Variants in PTPRS observed in about 807,000 individuals in gnomAD.
PTPRS encodes protein tyrosine phosphatase receptor type S.
Under a neutral mutation model 215.3 loss-of-function variants are expected in PTPRS, and 63 were observed. The observed-to-expected ratio is 0.29, with a 90% CI of 0.24 to 0.36. PTPRS has a LOEUF of 0.36. Among genes scored for constraint, PTPRS ranks in the 10% least tolerant of loss-of-function variants. The probability of loss-of-function intolerance (pLI) is 1.00; values close to 1 mark genes in which losing one functional copy is unlikely to be tolerated. For missense variants in PTPRS, 2,258 were observed against 2,825.8 expected (o/e 0.80, Z 4.56); for synonymous variants, 1,404 against 1,191.4 (o/e 1.18, Z -3.68).
At chr19:5,324,144 G>A (rs923686872) in intron 1 of PTPRS, among the ~76,000 whole-genome samples, 19 of 145,006 alleles carry the variant, frequency 1.3e-4, no homozygotes, top group African/African-American at 3.7e-4. Flanking sequence ...CAGGAGAATC[G>A]CTTGAACCTG....
At position 5,210,342 on chromosome 19, in the gene PTPRS, C is replaced by A. The variant is rs966344688; in HGVS notation, c.5487+127G>T. ...TAGAAGCAAGTGGCCAACTGGTCAG[C>A]TGACACTTCTCCTGATTCCCAATGC... On this transcript the variant is annotated intron_variant, in intron 35 of 37. Coordinates refer to ENST00000262963, the MANE Select transcript of PTPRS (RefSeq NM_002850.4). This position sits in a 1 kb window ranked among gnomAD's most constrained non-coding sequence, Gnocchi z 4.5. The A allele has an allele frequency of 1.3e-4, 181 of 1,397,540 alleles. 1 individual carries two copies. Among genetic ancestry groups the A allele is most frequent in the Non-Finnish European group, 1.6e-4 (162 of 1,013,058 alleles). 86.6% of individuals were successfully genotyped at this position (1,397,540 alleles called of 1,614,324 possible).
At chr19:5,241,906 G>C (rs548223379) in intron 11 of PTPRS, among the ~76,000 whole-genome samples, 6 of 152,280 alleles carry the variant, frequency 3.9e-5, no homozygotes, top group African/African-American at 1.4e-4. Context: ...CACGATCTCA[G>C]CTCACCACAA....
chr19:5,220,379 A>G (rs774019458), intron 20 of PTPRS, 26 bp from the exon 21 acceptor site: 1 of 1,589,748 alleles, frequency 6.3e-7, no homozygotes, highest in East Asian at 2.2e-5. Context: ...AAAGAGTCAG[A>G]GGGGCTGTCG....
At chr19:5,251,510 C>T (rs2045072037) in intron 9 of PTPRS, among the ~76,000 whole-genome samples, 1 of 151,026 alleles carries the variant, frequency 6.6e-6, no homozygotes, top group Admixed American at 6.6e-5. Flanking sequence ...AATCCATGGA[C>T]TTCCCTCACC....
At position 5,207,944 on chromosome 19, in the gene PTPRS, C is replaced by T. The variant is rs1412878073; in HGVS notation, c.5756G>A (p.Arg1919Gln). ...TACCTCTGTCTGCACCATGGCCGGC[C>T]GCTGGGTTCGTAGCATCTTCACCGT... is the stretch of plus-strand genomic sequence containing the variant. The part of the protein sequence containing the change: ...FQTVKMLRTQ[R>Q]PAMVQTEDEY... The change falls in exon 37 of 38, where the codon CGG becomes CAG. Residue 1919 changes from arginine to glutamine, a missense_variant. Arg to Gln is a conservative substitution (Grantham distance 43). This residue lies in a region of PTPRS where 89 missense variants were observed against 104.0 expected (regional missense o/e 0.86). Transcript: ENST00000262963. 5 of 1,613,956 alleles carry T rather than the reference C, an allele frequency of 3.1e-6. No homozygotes were observed. The highest frequency in any genetic ancestry group is 2.2e-5 in the East Asian group (1 of 44,888).
intron 24 of PTPRS, 56 bp downstream of exon 24, chr19:5,218,731 A>G: frequency 6.3e-7 from 1 of 1,599,398 alleles, no homozygotes. Context: ...CTATCAGCCC[A>G]TTCCCTGTCC....
At position 5,287,878 on chromosome 19, in the gene PTPRS, C is replaced by T. The variant is rs753439394; in HGVS notation, c.-94-1644G>A. Among the ~76,000 whole-genome samples, 5 of 152,116 alleles carry T rather than the reference C, an allele frequency of 3.3e-5. No homozygotes were observed. The highest frequency in any genetic ancestry group is 3.9e-4 in the East Asian group (2 of 5,174). Reference sequence around the variant, plus strand: ...CACACAGTCAAACCACCGATACACACCGACACACAGTCAGACTGCAAGCGG... The same window carrying T: ...CACACAGTCAAACCACCGATACACATCGACACACAGTCAGACTGCAAGCGG... On this transcript the variant is annotated intron_variant, in intron 1 of 37. Coordinates refer to ENST00000262963, the MANE Select transcript of PTPRS (RefSeq NM_002850.4). The surrounding 1 kb of genome is among the most constrained non-coding windows in gnomAD (Gnocchi z 4.8).
rs182769562 is a variant in PTPRS at position 5,222,972 on chromosome 19, G to T, written c.2820C>A (p.Asn940Lys). 25 of 1,541,088 alleles carry T rather than the reference G, an allele frequency of 1.6e-5. No homozygotes were observed. The highest frequency in any genetic ancestry group is 2.2e-5 in the Non-Finnish European group (25 of 1,148,184). ...GHPQILEAAGNASAGTVLLRW... is the reference protein window; with the variant it reads ...GHPQILEAAGKASAGTVLLRW... ...GGAGAAGGACGGTCCCGGCCGAGGC[G>T]TTGCCGGCCGCCTCCAGAATCTGCG... Residue 940 changes from asparagine (N) to lysine (K), a missense_variant, in exon 18 of 38, where the codon AAC (asparagine) becomes AAA (lysine). Transcript: ENST00000262963.
chr19:5,241,921 C>T lies in PTPRS; in HGVS notation c.1571-1589G>A, dbSNP rs1265946083. Among the ~76,000 whole-genome samples, 4 of 152,184 alleles carry T rather than the reference C, an allele frequency of 2.6e-5. No homozygotes were observed. In the East Asian group the frequency reaches 5.8e-4, roughly 22 times the overall value. ...CACGATCTCAGCTCACCACAACCTC[C>T]GCTTCCTGGGTCCAAGTGATTCACC... On this transcript the variant is annotated intron_variant, in intron 11 of 37. Coordinates refer to ENST00000262963, the MANE Select transcript of PTPRS (RefSeq NM_002850.4).
chr19:5,304,263 A>G (rs2049403614), intron 1 of PTPRS, among the ~76,000 whole-genome samples: 1 of 152,122 alleles, frequency 6.6e-6, no homozygotes, highest in Non-Finnish European at 1.5e-5. Flanking sequence ...CAGGAGTTTG[A>G]GACCAGCCTG....
chr19:5,306,345 A>G lies in PTPRS; in HGVS notation c.-94-20111T>C, dbSNP rs533527960. On this transcript the variant is annotated intron_variant, in intron 1 of 37. Transcript: ENST00000262963. Reference sequence around the variant, plus strand: ...TTTTTAGTAGAGACGGGGTTTCACCATGTTGGCCAGGCTGGTCTCATGCTC... The same window carrying G: ...TTTTTAGTAGAGACGGGGTTTCACCGTGTTGGCCAGGCTGGTCTCATGCTC... Among the ~76,000 whole-genome samples, 3 of 152,076 alleles carry G rather than the reference A, an allele frequency of 2.0e-5. No homozygotes were observed. In the South Asian group the frequency reaches 6.2e-4, roughly 32 times the overall value.
chr19:5,215,718 G>A (rs1479237375), intron 26 of PTPRS, 123 bp from the exon 27 acceptor site: 11 of 714,920 alleles, frequency 1.5e-5, no homozygotes, highest in East Asian at 5.4e-5. Flanking sequence ...GGGCATGGCC[G>A]GGGTGGGGCT....
chr19:5,240,888 C>CTTT (rs2043979691), intron 11 of PTPRS, among the ~76,000 whole-genome samples: 1 of 118,842 alleles, frequency 8.4e-6, no homozygotes, highest in Non-Finnish European at 1.7e-5. Context: ...AAATCCCCTT[C>CTTT]ATTTTTTTTT....
At position 5,228,344 on chromosome 19, in the gene PTPRS, GGA is replaced by G. The variant is rs1491367998; in HGVS notation, c.2376+970_2376+971del. On this transcript the variant is annotated intron_variant, in intron 16 of 37. Transcript: ENST00000262963. ...CGGGCGATAGTGTGAGACTCCGTCT[GGA>G]GAAAAAAAAAAAAAAAAGAGACAGG... is the stretch of plus-strand genomic sequence containing the variant. 4.2e-4 allele frequency among the ~76,000 whole-genome samples: 15 copies of G among 35,362 alleles called. 2 individuals carry two copies. In the African/African-American group the frequency reaches 4.6e-3, roughly 11 times the overall value. The allele number at this position is 35,362 out of a possible 152,430, so 23.2% of individuals were successfully genotyped here. A position where few individuals can be genotyped will look rare whatever the true frequency, so the allele number is the denominator to read the frequency against.
Position 5,338,972 on chromosome 19 carries a change from G to T in PTPRS, c.-95+1692C>A, listed in dbSNP as rs1321232884. On this transcript the variant is annotated intron_variant, in intron 1 of 37. Coordinates refer to ENST00000262963, the MANE Select transcript of PTPRS (RefSeq NM_002850.4). This position sits in a 1 kb window ranked among gnomAD's most constrained non-coding sequence, Gnocchi z 4.2. ...AATCCCAGCAGCCAAAGTCCGGGTG[G>T]TGGCGGACGGGAGCCCGGAGCGTGT... 6.6e-6 allele frequency among the ~76,000 whole-genome samples: 1 copy of T among 152,226 alleles called. No homozygotes were observed. Among genetic ancestry groups the T allele is most frequent in the South Asian group, 2.1e-4 (1 of 4,828 alleles).
At chr19:5,321,499 A>G (rs1389112455) in intron 1 of PTPRS, among the ~76,000 whole-genome samples, 5 of 152,146 alleles carry the variant, frequency 3.3e-5, no homozygotes, top group Non-Finnish European at 7.3e-5. Flanking sequence ...GCTAATGCTA[A>G]ATTCACTAAA....
At position 5,339,234 on chromosome 19, in the gene PTPRS, G is replaced by A. The variant is rs2050606886; in HGVS notation, c.-95+1430C>T. On this transcript the variant is annotated intron_variant, in intron 1 of 37. Transcript: ENST00000262963. The surrounding 1 kb of genome is among the most constrained non-coding windows in gnomAD (Gnocchi z 4.2). ...ATCCCAGCTGAGCCCAGAAGGGGGA[G>A]GCAAGGCACCCCCAATGAGGCTCTG... Among the ~76,000 whole-genome samples, 2 of 152,146 alleles carry A rather than the reference G, an allele frequency of 1.3e-5. No homozygotes were observed. The highest frequency in any genetic ancestry group is 2.9e-5 in the Non-Finnish European group (2 of 68,026).
Position 5,210,981 on chromosome 19 carries a change from T to C in PTPRS, c.5235-176A>G, listed in dbSNP as rs573744972. Reference sequence around the variant, plus strand: ...CCCCTCCTGGTGATCCCATTTTGCATGTGGGGAAACCACCAGTCTCATGAC... The same window carrying C: ...CCCCTCCTGGTGATCCCATTTTGCACGTGGGGAAACCACCAGTCTCATGAC... On this transcript the variant is annotated intron_variant, in intron 33 of 37. Coordinates refer to ENST00000262963, the MANE Select transcript of PTPRS (RefSeq NM_002850.4). The surrounding 1 kb of genome is among the most constrained non-coding windows in gnomAD (Gnocchi z 4.5). 2.6e-4 allele frequency among the ~76,000 whole-genome samples: 40 copies of C among 152,354 alleles called. No individual in the cohort carries two copies. The highest frequency in any genetic ancestry group is 9.6e-4 in the African/African-American group (40 of 41,582).
At chr19:5,314,385 A>G (rs1044594047) in intron 1 of PTPRS, among the ~76,000 whole-genome samples, 7 of 152,182 alleles carry the variant, frequency 4.6e-5, no homozygotes, top group South Asian at 4.1e-4. Flanking sequence ...AAATGGCTCA[A>G]TCTCTCTGGA....
Sources: allele counts gnomAD v4.1 joint callset (sites outside exome capture counted in the v4.1 genomes callset), GRCh38; gene constraint gnomAD v4.1.1; regional missense constraint gnomAD v4.1.1; non-coding constraint Gnocchi (gnomAD v3.1); transcripts MANE v1.5; gene names NCBI Gene and HGNC (gene_info 2026-07-23, HGNC 2026-07-21).